Variants in ZNF407 observed in about 807,000 individuals in gnomAD.
The protein encoded by ZNF407 is zinc finger protein 407.
Under a neutral mutation model 131.2 loss-of-function variants are expected in ZNF407, and 17 were observed. That is an observed-to-expected ratio of 0.13 (90% CI 0.09 to 0.19). The LOEUF is 0.19. ZNF407 is among the 10% of genes least tolerant of loss of function. The probability of loss-of-function intolerance (pLI) is 1.00; values close to 1 mark genes in which losing one functional copy is unlikely to be tolerated. For missense variants in ZNF407, 2,681 were observed against 2,830.6 expected (o/e 0.95, Z 1.20); for synonymous variants, 1,156 against 1,062.0 (o/e 1.09, Z -1.72).
At chr18:74,735,390 A>G (rs1183370236) in intron 3 of ZNF407, among the ~76,000 whole-genome samples, 6 of 152,212 alleles carry the variant, frequency 3.9e-5, no homozygotes, top group Admixed American at 2.6e-4. Flanking sequence ...AAAGGAGATA[A>G]TTCATTTCAG....
At chr18:74,706,169 C>A (rs568359677) in intron 3 of ZNF407, among the ~76,000 whole-genome samples, 1 of 152,096 alleles carries the variant, frequency 6.6e-6, no homozygotes, top group African/African-American at 2.4e-5. Flanking sequence ...AGAATTCTAC[C>A]GCAAAAATTC....
chr18:74,758,104 G>C (rs1217830010), intron 3 of ZNF407, among the ~76,000 whole-genome samples: 1 of 152,018 alleles, frequency 6.6e-6, no homozygotes, highest in East Asian at 1.9e-4. Context: ...CTTTTTGCTT[G>C]AAATTTTTAG....
intron 8 of ZNF407, among the ~76,000 whole-genome samples, chr18:74,954,783 A>G (rs1335273730): frequency 1.3e-5 from 2 of 152,232 alleles, no homozygotes. Context: ...AGCCCATTCC[A>G]GCCACCAGTG....
At chr18:74,832,534 A>G (rs1970500274) in intron 4 of ZNF407, among the ~76,000 whole-genome samples, 1 of 151,900 alleles carries the variant, frequency 6.6e-6, no homozygotes, top group South Asian at 2.1e-4. Flanking sequence ...AGCTCCCTAT[A>G]GCCTTAAACT....
rs114378081 is a variant in ZNF407, at chr18:74,776,793, G to A, written c.4803-4635G>A. On this transcript the variant is annotated intron_variant, in intron 3 of 8. Coordinates refer to ENST00000299687, the MANE Select transcript of ZNF407 (RefSeq NM_017757.3). ...CATGAACCGCAGATGAACACATTCTGTATATGTATTATATGCTGTATTCTT... is the reference window on the plus strand; with the variant it reads ...CATGAACCGCAGATGAACACATTCTATATATGTATTATATGCTGTATTCTT... Among the ~76,000 whole-genome samples, 311 of 152,278 alleles carry A rather than the reference G, an allele frequency of 2.0e-3. 1 individual carries two copies. The highest frequency in any genetic ancestry group is 7.1e-3 in the African/African-American group (297 of 41,552).
At chr18:74,981,084 A>G (rs940811283) in intron 8 of ZNF407, among the ~76,000 whole-genome samples, 9 of 152,240 alleles carry the variant, frequency 5.9e-5, no homozygotes. Flanking sequence ...AAGAGCTAGA[A>G]GCAGTGTTAC....
intron 8 of ZNF407, among the ~76,000 whole-genome samples, chr18:74,981,406 G>A (rs1237404663): frequency 2.6e-5 from 4 of 152,320 alleles, no homozygotes; most frequent in African/African-American, 4.8e-5. Context: ...CACTCTGCTC[G>A]AGACCCGAGG....
At chr18:75,001,171 T>G (rs372472766) in intron 8 of ZNF407, among the ~76,000 whole-genome samples, 114 of 152,212 alleles carry the variant, frequency 7.5e-4, no homozygotes, top group African/African-American at 2.7e-3. Context: ...TAGCACAGAC[T>G]GGGGAAAATG....
At position 75,063,376 on chromosome 18, in the gene ZNF407, G is replaced by GGCC; in HGVS notation, c.5662_5664dup (p.Ala1888dup). ...CCCTGGACCCCTCGGTGGAGGAGAC[G>GGCC]GCCGCCGCCACGCTGCAGACGCTGG... On this transcript the variant is annotated inframe_insertion, in exon 9 of 9. Transcript: ENST00000299687. The surrounding 1 kb of genome is among the most constrained non-coding windows in gnomAD (Gnocchi z 6.6). The GGCC allele has an allele frequency of 6.2e-7, 1 of 1,610,980 alleles. No individual in the cohort carries two copies. Among genetic ancestry groups the GGCC allele is most frequent in the Non-Finnish European group, 8.5e-7 (1 of 1,179,130 alleles).
intron 3 of ZNF407, among the ~76,000 whole-genome samples, chr18:74,673,733 C>T (rs1234033609): frequency 1.3e-5 from 2 of 152,162 alleles, no homozygotes; most frequent in African/African-American, 4.8e-5. Context: ...CTGTGTTAAA[C>T]ATACACAAGT....
intron 4 of ZNF407, among the ~76,000 whole-genome samples, chr18:74,846,041 A>G (rs1412133943): frequency 2.0e-5 from 3 of 152,196 alleles, no homozygotes; most frequent in Non-Finnish European, 4.4e-5. Flanking sequence ...GCTCTTTTGT[A>G]TGCAACTTAG....
At chr18:74,912,199 A>G (rs565472908) in intron 7 of ZNF407, among the ~76,000 whole-genome samples, 4 of 152,192 alleles carry the variant, frequency 2.6e-5, no homozygotes, top group Non-Finnish European at 5.9e-5. Context: ...ATTAACACAT[A>G]TTAATAAATA....
At position 74,703,316 on chromosome 18, in the gene ZNF407, G is replaced by C. The variant is rs184437861; in HGVS notation, c.4802+62194G>C. Among the ~76,000 whole-genome samples, 1 of 152,266 alleles carries C rather than the reference G, an allele frequency of 6.6e-6. No individual in the cohort carries two copies. The highest frequency in any genetic ancestry group is 6.5e-5 in the Admixed American group (1 of 15,294). On this transcript the variant is annotated intron_variant, in intron 3 of 8. Coordinates refer to ENST00000299687, the MANE Select transcript of ZNF407 (RefSeq NM_017757.3). This position sits in a 1 kb window ranked among gnomAD's most constrained non-coding sequence, Gnocchi z 4.1. Reference sequence around the variant, plus strand: ...CGACCCATTACAGAGCTACCACAGAGAGTTTTAGATCTCTCTCTCTCTCTC... The same window carrying C: ...CGACCCATTACAGAGCTACCACAGACAGTTTTAGATCTCTCTCTCTCTCTC...
intron 3 of ZNF407, among the ~76,000 whole-genome samples, chr18:74,731,805 C>T (rs1050507521): frequency 1.3e-5 from 2 of 152,082 alleles, no homozygotes; most frequent in East Asian, 1.9e-4. Flanking sequence ...TAAACAGTGT[C>T]CATTCCTTGT....
chr18:74,638,915 CT>C (rs954162030), intron 2 of ZNF407, among the ~76,000 whole-genome samples: 2 of 150,962 alleles, frequency 1.3e-5, no homozygotes, highest in South Asian at 2.1e-4. Flanking sequence ...AAAAAGGGCC[CT>C]TTTTTTTTCT....
intron 7 of ZNF407, among the ~76,000 whole-genome samples, chr18:74,894,559 A>G (rs1296560203): frequency 6.6e-6 from 1 of 152,132 alleles, no homozygotes; most frequent in Non-Finnish European, 1.5e-5. Context: ...ATTGGCTTCC[A>G]CATCAGAGTG....
At chr18:74,763,920 A>G (rs1287273471) in intron 3 of ZNF407, among the ~76,000 whole-genome samples, 1 of 150,956 alleles carries the variant, frequency 6.6e-6, no homozygotes. Context: ...TCACCGTGTT[A>G]GCCAGGATGG....
chr18:74,641,503 TCA>T (rs1306094814), intron 3 of ZNF407, among the ~76,000 whole-genome samples: 3 of 152,212 alleles, frequency 2.0e-5, no homozygotes, highest in Admixed American at 2.0e-4. Flanking sequence ...TCAATTTTTA[TCA>T]CAGTAGTAGC....
rs150772168 is a variant in ZNF407, at chr18:74,993,397, C to T, written c.5429-69753C>T. Among the ~76,000 whole-genome samples, 464 of 152,298 alleles carry T rather than the reference C, an allele frequency of 3.0e-3. 3 individuals carry two copies. Among genetic ancestry groups the T allele is most frequent in the African/African-American group, 0.01 (428 of 41,560 alleles). On this transcript the variant is annotated intron_variant, in intron 8 of 8. Coordinates refer to ENST00000299687, the MANE Select transcript of ZNF407 (RefSeq NM_017757.3). ...GCAAAAGCGCAGACACAGAAGAGTG[C>T]ACTCTGCAGTTCCACTCATTTCCCG...
Sources: allele counts gnomAD v4.1 joint callset (sites outside exome capture counted in the v4.1 genomes callset), GRCh38; gene constraint gnomAD v4.1.1; non-coding constraint Gnocchi (gnomAD v3.1); transcripts MANE v1.5; gene names NCBI Gene and HGNC (gene_info 2026-07-23, HGNC 2026-07-21).